The following TNN variants were observed in gnomAD, a reference collection of about 807,000 sequenced individuals.
TNN encodes the protein tenascin-N.
Under a neutral mutation model 134.4 loss-of-function variants are expected in TNN, and 122 were observed. The observed-to-expected ratio is 0.91, with a 90% confidence interval of 0.78 to 1.06. The LOEUF is 1.06. Among genes scored for constraint, TNN ranks in the 50% least tolerant of loss-of-function variants. The pLI is 0.00. For missense variants in TNN, 1,739 were observed against 1,699.4 expected, an observed-to-expected ratio of 1.02 and a Z score of -0.41; for synonymous variants, 710 against 670.3, an observed-to-expected ratio of 1.06 and a Z score of -0.91.
At chr1:175,118,521 C>A in intron 10 of TNN, 40 bp from the exon 11 acceptor site, 1 of 1,608,948 alleles carries the variant, frequency 6.2e-7, no homozygotes. Flanking sequence ...CACTCTGGCA[C>A]CTGTTCATAG....
intron 7 of TNN, among the ~76,000 whole-genome samples, chr1:175,096,461 G>A (rs555426007): frequency 4.6e-5 from 7 of 152,168 alleles, no homozygotes; most frequent in African/African-American, 1.7e-4. Context: ...ATGTGGCTGT[G>A]CATTCCACCA....
Position 175,094,205 on chromosome 1 carries a change from G to T in TNN, c.1540G>T (p.Glu514Ter). Reference sequence around the variant, plus strand: ...GGCATACAAGGTCTACGTGTGGGCTGAAAGGGGCAACCAGGGGAGCAAGAA... The same window carrying T: ...GGCATACAAGGTCTACGTGTGGGCTTAAAGGGGCAACCAGGGGAGCAAGAA... ...GEAYKVYVWA[E>*]RGNQGSKKAD... The change falls in exon 7 of 19, where the codon GAA becomes TAA. Residue 514 changes from glutamate to a stop codon, truncating the protein, a stop_gained. Transcript: ENST00000239462. LOFTEE classifies it high-confidence loss of function. The T allele has an allele frequency of 6.2e-7, 1 of 1,612,762 alleles. No homozygotes were observed. Among genetic ancestry groups the T allele is most frequent in the Non-Finnish European group, 8.5e-7 (1 of 1,179,078 alleles).
chr1:175,098,123 A>G (rs1468797741), intron 8 of TNN, among the ~76,000 whole-genome samples: 5 of 152,248 alleles, frequency 3.3e-5, no homozygotes, highest in Admixed American at 2.0e-4. Flanking sequence ...ACTGAAAGCC[A>G]AGAAAGAATG....
intron 10 of TNN, among the ~76,000 whole-genome samples, chr1:175,117,694 T>C (rs1328017568): frequency 2.0e-5 from 3 of 152,160 alleles, no homozygotes; most frequent in Non-Finnish European, 2.9e-5. Context: ...ATGAAGGAGA[T>C]GACATGGTGT....
intron 15 of TNN, among the ~76,000 whole-genome samples, chr1:175,134,986 C>T (rs1675760332): frequency 6.6e-6 from 1 of 152,152 alleles, no homozygotes; most frequent in Non-Finnish European, 1.5e-5. Context: ...AAAGGCTCAC[C>T]AGGACTGACT....
intron 9 of TNN, among the ~76,000 whole-genome samples, chr1:175,102,512 A>G (rs1347924905): frequency 6.9e-6 from 1 of 144,834 alleles, no homozygotes; most frequent in Non-Finnish European, 1.5e-5. Context: ...CTGCTGGGGG[A>G]CCCAGTACAC....
chr1:175,139,868 T>C (rs990322340), intron 17 of TNN, among the ~76,000 whole-genome samples: 3 of 152,240 alleles, frequency 2.0e-5, no homozygotes, highest in African/African-American at 7.2e-5. Flanking sequence ...TATTGTGATC[T>C]TATGAGACCA....
chr1:175,067,923 A>C lies in TNN; in HGVS notation c.-48A>C, dbSNP rs1673833069. The C allele has an allele frequency of 4.1e-6, 2 of 484,056 alleles. No homozygotes were observed. The highest frequency in any genetic ancestry group is 3.0e-5 in the South Asian group (2 of 66,278). 30.0% of individuals were successfully genotyped at this position (484,056 alleles called of 1,614,324 possible). A position where few individuals can be genotyped will look rare whatever the true frequency, so the allele number is the denominator to read the frequency against. On this transcript the variant is annotated 5_prime_UTR_variant, in exon 1 of 19. Coordinates refer to ENST00000239462, the MANE Select transcript of TNN (RefSeq NM_022093.2). ...AGCAGCAGCATTGGAAGAGGCACCC[A>C]GCAGCCTCCCAGGTAAGAGTGCCAG...
intron 17 of TNN, among the ~76,000 whole-genome samples, chr1:175,142,520 A>G (rs1353368545): frequency 6.6e-6 from 1 of 152,210 alleles, no homozygotes; most frequent in Non-Finnish European, 1.5e-5. Flanking sequence ...GCGTCAGATC[A>G]TCGGAAGGGC....
chr1:175,145,540 A>G (rs1221423708), intron 18 of TNN, among the ~76,000 whole-genome samples: 1 of 111,780 alleles, frequency 8.9e-6, no homozygotes, highest in Non-Finnish European at 1.8e-5. Flanking sequence ...GTGGCAGAGC[A>G]AGACCCTGTC....
chr1:175,098,409 G>A lies in TNN; in HGVS notation c.1933G>A (p.Ala645Thr), dbSNP rs1674626616. 2 of 1,614,212 alleles carry A rather than the reference G, an allele frequency of 1.2e-6. No homozygotes were observed. Among genetic ancestry groups the A allele is most frequent in the East Asian group, 2.2e-5 (1 of 44,888 alleles). ...MATVSWDPVQAAIDKYVVRYT... is the reference protein window; with the variant it reads ...MATVSWDPVQTAIDKYVVRYT... ...CACGGTCTCCTGGGACCCGGTGCAG[G>A]CCGCCATTGACAAGTACGTGGTGCG... Residue 645 changes from alanine (A) to threonine (T), a missense_variant, in exon 9 of 19, where the codon GCC (alanine) becomes ACC (threonine). Transcript: ENST00000239462.
rs1574172052 is a variant in TNN at position 175,127,063 on chromosome 1, A to C, written c.3023A>C (p.Gln1008Pro). Residue 1008 changes from glutamine to proline, a missense_variant, in exon 13 of 19, where the codon CAG (glutamine) becomes CCG (proline). By Grantham distance (76) the Gln-to-Pro change is moderately conservative (BLOSUM62 -1). Transcript: ENST00000239462. ...AQIHGYILTYQFPDGTVKEMQ... is the reference protein window; with the variant it reads ...AQIHGYILTYPFPDGTVKEMQ... ...ATCCACGGCTACATTCTGACTTACC[A>C]GTTCCCAGATGGCACAGTTAAGGTA... 1 of 1,613,964 alleles carries C rather than the reference A, an allele frequency of 6.2e-7. No homozygotes were observed. Among genetic ancestry groups the C allele is most frequent in the Non-Finnish European group, 8.5e-7 (1 of 1,179,952 alleles).
chr1:175,121,965 T>C (rs545092201), intron 11 of TNN, among the ~76,000 whole-genome samples: 1 of 152,318 alleles, frequency 6.6e-6, no homozygotes, highest in South Asian at 2.1e-4. Context: ...GGCACCGTGG[T>C]GGAGATGCAG....
chr1:175,079,307 CCTA>C (rs1674131104), intron 2 of TNN, 23 bp from the exon 3 acceptor site: 16 of 1,563,356 alleles, frequency 1.0e-5, no homozygotes, highest in Non-Finnish European at 1.4e-5. Flanking sequence ...TTCAACCCAA[CCTA>C]CTGTTTCTCC....
In TNN at chr1:175,144,394, T is replaced by C; in HGVS notation, c.3603T>C (p.Ala1201=). The C allele has an allele frequency of 6.2e-7, 1 of 1,614,048 alleles. No individual in the cohort carries two copies. The change falls in exon 18 of 19, where the codon GCT becomes GCC. Residue 1201 remains alanine, a synonymous_variant. Transcript: ENST00000239462. The stretch of plus-strand genomic sequence containing the variant: ...GTCTCTTCTCTCCTGCAGGGGATGC[T>C]CTTACTTACCACAATGGATGGAAGT... ...VGKYRGTAGD[A]LTYHNGWKFT...
At chr1:175,140,997 A>G (rs1468587420) in intron 17 of TNN, among the ~76,000 whole-genome samples, 2 of 152,150 alleles carry the variant, frequency 1.3e-5, no homozygotes, top group Non-Finnish European at 2.9e-5. Flanking sequence ...CTCTATCTTC[A>G]TTTTAGCTCT....
chr1:175,119,401 C>T (rs11578541), intron 11 of TNN, among the ~76,000 whole-genome samples: 34,562 of 151,996 alleles, frequency 0.23, 4,445 homozygotes, highest in African/African-American at 0.35. Flanking sequence ...GGGTCTTGGC[C>T]GGCTTCTTTA....
intron 1 of TNN, among the ~76,000 whole-genome samples, chr1:175,069,181 A>T (rs1316946330): frequency 6.6e-6 from 1 of 152,190 alleles, no homozygotes; most frequent in Non-Finnish European, 1.5e-5. Flanking sequence ...TGGTTCTTGG[A>T]AAAGCTGAGG....
rs1390018611 is a variant in TNN, at chr1:175,094,041, C to A, written c.1376C>A (p.Ala459Glu). The A allele has an allele frequency of 1.2e-6, 2 of 1,612,956 alleles. No individual in the cohort carries two copies. The highest frequency in any genetic ancestry group is 1.7e-6 in the Non-Finnish European group (2 of 1,179,002). Residue 459 changes from alanine (A) to glutamate (E), a missense_variant, in exon 7 of 19, where the codon GCA (alanine) becomes GAA (glutamate). Ala to Glu is a moderately radical substitution (Grantham distance 107). Transcript: ENST00000239462. Reference sequence around the variant, plus strand: ...ACTGATCGAGTGACTGAAGACACAGCAACTGTCTCCTGGGACCCAGTGCAG... The same window carrying A: ...ACTGATCGAGTGACTGAAGACACAGAAACTGTCTCCTGGGACCCAGTGCAG... ...VVTDRVTEDT[A>E]TVSWDPVQAV...
Sources: allele counts gnomAD v4.1 joint callset (sites outside exome capture counted in the v4.1 genomes callset), GRCh38; gene constraint gnomAD v4.1.1; transcripts MANE v1.5; gene names NCBI Gene and HGNC (gene_info 2026-07-23, HGNC 2026-07-21).